Variants in CADPS2 observed in about 807,000 individuals in gnomAD.
The protein encoded by CADPS2 is calcium-dependent secretion activator 2.
A neutral mutation model predicts 172.5 loss-of-function variants in CADPS2; 93 were observed. The observed-to-expected ratio is 0.54, with a 90% CI of 0.46 to 0.64. The LOEUF (loss-of-function observed/expected upper bound fraction) is 0.64. CADPS2 is among the 30% of genes least tolerant of loss of function. CADPS2 has a pLI of 0.00. For missense variants in CADPS2, 1,420 were observed against 1,565.9 expected (o/e 0.91, Z 1.57); for synonymous variants, 546 against 555.2 (o/e 0.98, Z 0.23).
intron 15 of CADPS2, among the ~76,000 whole-genome samples, chr7:122,442,095 T>C (rs902470178): frequency 6.6e-6 from 1 of 152,186 alleles, no homozygotes; most frequent in African/African-American, 2.4e-5. Context: ...TGCAGTTCTT[T>C]TGAATACAGT....
At chr7:122,638,043 C>T (rs778012398) in intron 3 of CADPS2, among the ~76,000 whole-genome samples, 10 of 152,248 alleles carry the variant, frequency 6.6e-5, no homozygotes, top group South Asian at 2.1e-4. Context: ...TTTTGGCATA[C>T]GCACAGTAGT....
chr7:122,488,207 C>G (rs1217388110), intron 11 of CADPS2, among the ~76,000 whole-genome samples: 1 of 152,116 alleles, frequency 6.6e-6, no homozygotes, highest in African/African-American at 2.4e-5. Context: ...AGAGATTTGA[C>G]TTGAGTTAAT....
intron 28 of CADPS2, among the ~76,000 whole-genome samples, chr7:122,326,908 G>A (rs1031260085): frequency 1.3e-5 from 2 of 151,944 alleles, no homozygotes; most frequent in Non-Finnish European, 2.9e-5. Flanking sequence ...TGCATCAAAT[G>A]AGATAAGCTA....
At position 122,551,158 on chromosome 7, in the gene CADPS2, T is replaced by C. The variant is rs1045200331; in HGVS notation, c.1475+3392A>G. ...AAAATAGTCATATTAAAATGCAACA[T>C]TGAGAACTAAACACCATTTATTTCA... On this transcript the variant is annotated intron_variant, in intron 8 of 29. Transcript: ENST00000449022. Among the ~76,000 whole-genome samples the C allele has an allele frequency of 4.6e-5, 7 of 152,250 alleles. No homozygotes were observed. In the East Asian group the frequency reaches 5.8e-4, roughly 13 times the overall value.
chr7:122,584,313 C>A (rs2069310616), intron 6 of CADPS2, among the ~76,000 whole-genome samples: 1 of 151,932 alleles, frequency 6.6e-6, no homozygotes, highest in South Asian at 2.1e-4. Context: ...TTTTCTCTTT[C>A]TCCTTGAGTG....
At chr7:122,659,969 A>G (rs1272010708) in intron 3 of CADPS2, among the ~76,000 whole-genome samples, 1 of 152,196 alleles carries the variant, frequency 6.6e-6, no homozygotes, top group Non-Finnish European at 1.5e-5. Flanking sequence ...GAGAGACTGC[A>G]TCACCACTAG....
intron 7 of CADPS2, among the ~76,000 whole-genome samples, chr7:122,567,133 G>A (rs1010498): frequency 0.36 from 54,056 of 151,864 alleles, 10,015 homozygotes; most frequent in Middle Eastern, 0.44. Flanking sequence ...AGAAATAACA[G>A]TTAGTTTTGT....
At chr7:122,461,535 G>A (rs2054432912) in intron 14 of CADPS2, among the ~76,000 whole-genome samples, 1 of 152,066 alleles carries the variant, frequency 6.6e-6, no homozygotes. Flanking sequence ...GCATCCAGAG[G>A]AAAAAGAGGA....
intron 2 of CADPS2, among the ~76,000 whole-genome samples, chr7:122,666,813 C>T (rs1198274634): frequency 6.6e-6 from 1 of 152,160 alleles, no homozygotes; most frequent in Non-Finnish European, 1.5e-5. Flanking sequence ...TTCCCACTGG[C>T]AGATTCCCAG....
At chr7:122,644,814 A>AAGTTATGAAAGAATC (rs1372120238) in intron 3 of CADPS2, among the ~76,000 whole-genome samples, 2 of 152,194 alleles carry the variant, frequency 1.3e-5, no homozygotes, top group Non-Finnish European at 2.9e-5. Context: ...TCCCTGTGTG[A>AAGTTATGAAAGAATC]AGTTATGTAT....
intron 2 of CADPS2, among the ~76,000 whole-genome samples, chr7:122,666,958 G>T (rs1404243177): frequency 6.6e-6 from 1 of 152,166 alleles, no homozygotes; most frequent in East Asian, 1.9e-4. Flanking sequence ...CTCCAGTGAG[G>T]TCTGGATCCC....
intron 9 of CADPS2, among the ~76,000 whole-genome samples, chr7:122,500,559 A>G (rs147060558): frequency 3.6e-4 from 55 of 152,248 alleles, no homozygotes; most frequent in African/African-American, 1.2e-3. Flanking sequence ...ACATCCCCTC[A>G]TGCAAGTAGG....
intron 8 of CADPS2, among the ~76,000 whole-genome samples, chr7:122,548,781 T>C (rs1370623969): frequency 1.3e-5 from 2 of 152,160 alleles, no homozygotes; most frequent in Non-Finnish European, 2.9e-5. Context: ...ATTTCTTAGA[T>C]AAATCACTCA....
intron 2 of CADPS2, among the ~76,000 whole-genome samples, chr7:122,729,169 A>C (rs2091401310): frequency 6.6e-6 from 1 of 151,902 alleles, no homozygotes; most frequent in East Asian, 1.9e-4. Context: ...CCTCCAGTTC[A>C]ATCCATGTTG....
chr7:122,671,473 A>C (rs913691062), intron 2 of CADPS2, among the ~76,000 whole-genome samples: 1 of 152,182 alleles, frequency 6.6e-6, no homozygotes. Context: ...TCATGCCTGA[A>C]ATCGCAGCAC....
At chr7:122,569,496 A>G (rs2066906720) in intron 7 of CADPS2, among the ~76,000 whole-genome samples, 2 of 150,330 alleles carry the variant, frequency 1.3e-5, no homozygotes, top group South Asian at 4.2e-4. Flanking sequence ...CCATCAAGCT[A>G]CCAATGACTT....
chr7:122,635,766 T>A (rs2077012660), intron 3 of CADPS2, among the ~76,000 whole-genome samples: 1 of 152,204 alleles, frequency 6.6e-6, no homozygotes, highest in South Asian at 2.1e-4. Context: ...AGAACCCATT[T>A]TATGAATCTT....
chr7:122,770,972 G>A (rs1405377804), intron 1 of CADPS2, among the ~76,000 whole-genome samples: 1 of 152,214 alleles, frequency 6.6e-6, no homozygotes, highest in Non-Finnish European at 1.5e-5. Context: ...CATATACTCA[G>A]TGACTGGAGG....
chr7:122,442,501 T>C (rs2051487961), intron 15 of CADPS2, among the ~76,000 whole-genome samples: 1 of 152,318 alleles, frequency 6.6e-6, no homozygotes, highest in Middle Eastern at 3.4e-3. Context: ...GAAGTTTATG[T>C]ATCTCCATGT....
Sources: allele counts gnomAD v4.1 joint callset (sites outside exome capture counted in the v4.1 genomes callset), GRCh38; gene constraint gnomAD v4.1.1; transcripts MANE v1.5; gene names NCBI Gene and HGNC (gene_info 2026-07-23, HGNC 2026-07-21).